The following CNTNAP2 variants were observed in gnomAD, a reference collection of about 807,000 sequenced individuals.
CNTNAP2 encodes contactin associated protein 2, also known as contactin-associated protein-like 2.
Under a neutral mutation model 155.2 loss-of-function variants are expected in CNTNAP2, and 98 were observed. That is an observed-to-expected ratio of 0.63 (90% CI 0.54 to 0.75). The LOEUF (loss-of-function observed/expected upper bound fraction) is 0.75. Among genes scored for constraint, CNTNAP2 ranks in the 30% least tolerant of loss-of-function variants. The pLI is 0.00. For missense variants in CNTNAP2, 1,727 were observed against 1,688.1 expected (o/e 1.02, Z -0.40); for synonymous variants, 651 against 631.2 (o/e 1.03, Z -0.47).
chr7:147,599,272 T>C (rs1050081432), intron 12 of CNTNAP2, among the ~76,000 whole-genome samples: 1 of 151,676 alleles, frequency 6.6e-6, no homozygotes, highest in African/African-American at 2.4e-5. Context: ...AGATCAGGAG[T>C]TCGTGACCAG....
chr7:147,251,434 ATAGGTAGG>A (rs750487951), intron 8 of CNTNAP2, among the ~76,000 whole-genome samples: 2 of 150,934 alleles, frequency 1.3e-5, no homozygotes, highest in Non-Finnish European at 1.5e-5. Flanking sequence ...GTCAAAACAG[ATAGGTAGG>A]TAGGTAGGTA....
At chr7:146,141,491 A>G (rs999404641) in intron 1 of CNTNAP2, among the ~76,000 whole-genome samples, 3 of 152,182 alleles carry the variant, frequency 2.0e-5, no homozygotes, top group African/African-American at 7.2e-5. Context: ...GTGAAACACT[A>G]TAAGAAATAT....
At chr7:147,839,778 A>G (rs953812701) in intron 13 of CNTNAP2, among the ~76,000 whole-genome samples, 3 of 152,176 alleles carry the variant, frequency 2.0e-5, no homozygotes, top group Non-Finnish European at 2.9e-5. Flanking sequence ...TATAAAAAGG[A>G]TGCCTGCACT....
intron 1 of CNTNAP2, among the ~76,000 whole-genome samples, chr7:146,604,791 G>A (rs1799014955): frequency 6.9e-6 from 1 of 144,058 alleles, no homozygotes; most frequent in South Asian, 2.4e-4. Flanking sequence ...GGATGAAATT[G>A]GAAATCATCA....
chr7:148,191,762 C>T (rs569584569), intron 18 of CNTNAP2, among the ~76,000 whole-genome samples: 1 of 152,310 alleles, frequency 6.6e-6, no homozygotes, highest in Non-Finnish European at 1.5e-5. Flanking sequence ...TCACCTCCTC[C>T]TACCATCAAG....
At chr7:146,696,846 A>G (rs557604259) in intron 1 of CNTNAP2, among the ~76,000 whole-genome samples, 1 of 152,176 alleles carries the variant, frequency 6.6e-6, no homozygotes, top group African/African-American at 2.4e-5. Flanking sequence ...TTTGACTTTG[A>G]CTTTAATTTC....
chr7:147,808,741 A>G (rs984019490), intron 13 of CNTNAP2, among the ~76,000 whole-genome samples: 2 of 152,244 alleles, frequency 1.3e-5, no homozygotes, highest in Non-Finnish European at 2.9e-5. Flanking sequence ...AAACCCAGTT[A>G]AATCTGACTT....
intron 8 of CNTNAP2, among the ~76,000 whole-genome samples, chr7:147,181,892 C>T (rs961337671): frequency 2.6e-5 from 4 of 151,854 alleles, no homozygotes; most frequent in East Asian, 3.9e-4. Context: ...TTTGGGAGGC[C>T]GAGGTGGGTG....
At chr7:146,495,387 G>A (rs1797199054) in intron 1 of CNTNAP2, among the ~76,000 whole-genome samples, 1 of 152,112 alleles carries the variant, frequency 6.6e-6, no homozygotes, top group African/African-American at 2.4e-5. Context: ...GAGTTAACTG[G>A]ATTATGTCAG....
intron 15 of CNTNAP2, among the ~76,000 whole-genome samples, chr7:147,989,285 G>A (rs930199810): frequency 6.6e-6 from 1 of 152,148 alleles, no homozygotes; most frequent in Non-Finnish European, 1.5e-5. Context: ...ACCCACCTGG[G>A]TCCAAATCCC....
chr7:147,589,308 G>A (rs977673416), intron 12 of CNTNAP2, among the ~76,000 whole-genome samples: 14 of 152,100 alleles, frequency 9.2e-5, no homozygotes, highest in African/African-American at 2.4e-4. Context: ...CACAAAGTTC[G>A]ACTGATTATA....
chr7:146,968,487 A>C (rs1797708539), intron 3 of CNTNAP2, among the ~76,000 whole-genome samples: 1 of 151,982 alleles, frequency 6.6e-6, no homozygotes, highest in South Asian at 2.1e-4. Context: ...ACAATTTCAG[A>C]GCCTGTTATT....
chr7:146,768,274 C>T (rs1019477556), intron 1 of CNTNAP2, among the ~76,000 whole-genome samples: 1 of 151,456 alleles, frequency 6.6e-6, no homozygotes, highest in African/African-American at 2.4e-5. Context: ...AAAAGCTCTT[C>T]TATGGCTTCC....
intron 23 of CNTNAP2, 108 bp from the exon 24 acceptor site, chr7:148,415,309 T>TTTATATGGGAGAGGGCTGTGTC: frequency 8.7e-7 from 1 of 1,151,126 alleles, no homozygotes; most frequent in Non-Finnish European, 1.3e-6. Context: ...GAGGTTGTGT[T>TTTATATGGGAGAGGGCTGTGTC]TTATATGGGA....
chr7:147,393,769 C>T (rs1198007063), intron 9 of CNTNAP2, among the ~76,000 whole-genome samples: 2 of 151,654 alleles, frequency 1.3e-5, no homozygotes, highest in Admixed American at 6.6e-5. Flanking sequence ...AAAGTAGAGC[C>T]TTACATGGAT....
chr7:147,116,328 T>C (rs1375285684), intron 5 of CNTNAP2, among the ~76,000 whole-genome samples: 6 of 152,184 alleles, frequency 3.9e-5, no homozygotes, highest in African/African-American at 1.4e-4. Flanking sequence ...AAAAAAGCAG[T>C]CTGGCTGCTT....
At chr7:148,294,343 A>G (rs539200103) in intron 21 of CNTNAP2, among the ~76,000 whole-genome samples, 1 of 152,370 alleles carries the variant, frequency 6.6e-6, no homozygotes, top group South Asian at 2.1e-4. Flanking sequence ...CTAAGCTTAC[A>G]TATAATTAAC....
chr7:148,187,204 C>A (rs1209516308), intron 18 of CNTNAP2, among the ~76,000 whole-genome samples: 2 of 151,662 alleles, frequency 1.3e-5, no homozygotes, highest in Admixed American at 6.6e-5. Flanking sequence ...TCTTAGATAA[C>A]AAGATAATTC....
intron 8 of CNTNAP2, among the ~76,000 whole-genome samples, chr7:147,261,723 TAGC>T (rs1275714293): frequency 2.0e-5 from 3 of 152,228 alleles, no homozygotes; most frequent in African/African-American, 7.2e-5. Context: ...TACAAATGGT[TAGC>T]AGAAGACAAT....
Sources: allele counts gnomAD v4.1 joint callset (sites outside exome capture counted in the v4.1 genomes callset), GRCh38; gene constraint gnomAD v4.1.1; transcripts MANE v1.5; gene names NCBI Gene and HGNC (gene_info 2026-07-23, HGNC 2026-07-21).